The following SLC39A10 variants were observed in gnomAD, a reference collection of about 807,000 sequenced individuals.
SLC39A10 encodes the protein zinc transporter ZIP10.
SLC39A10 carries 13 observed loss-of-function variants against 65.1 expected under a neutral mutation model. That is an observed-to-expected ratio of 0.20 (90% CI 0.13 to 0.32). The LOEUF (loss-of-function observed/expected upper bound fraction) is 0.32. Among genes scored for constraint, SLC39A10 ranks in the 10% least tolerant of loss-of-function variants. The probability of loss-of-function intolerance (pLI) is 1.00; values close to 1 mark genes in which losing one functional copy is unlikely to be tolerated. For synonymous variants in SLC39A10, 321 were observed against 342.2 expected (o/e 0.94, Z 0.68); for missense variants, 831 against 1,018.4 (o/e 0.82, Z 2.50).
chr2:195,642,127 T>C (rs576737489), intron 2 of SLC39A10, among the ~76,000 whole-genome samples: 209 of 152,202 alleles, frequency 1.4e-3, no homozygotes, highest in African/African-American at 4.5e-3. Flanking sequence ...GGTCTATGCA[T>C]GGGAGGACCT....
chr2:195,700,198 G>A (rs960894594), intron 3 of SLC39A10, among the ~76,000 whole-genome samples: 4 of 152,098 alleles, frequency 2.6e-5, no homozygotes, highest in Non-Finnish European at 5.9e-5. Flanking sequence ...TGATTGGAGA[G>A]TTTAATCCAT....
At position 195,737,637 on chromosome 2, in the gene SLC39A10, A is replaced by AT. The variant is rs1487317014; in HGVS notation, c.*2600dup. The AT allele has an allele frequency of 6.3e-5, 15 of 237,866 alleles. No homozygotes were observed. The highest frequency in any genetic ancestry group is 1.1e-4 in the Non-Finnish European group (13 of 121,814). 14.7% of individuals were successfully genotyped at this position (237,866 alleles called of 1,614,324 possible). On this transcript the variant is annotated 3_prime_UTR_variant, in exon 10 of 10. Transcript: ENST00000359634. ...TTTTCATTGTCAACAGTGGTGTGTC[A>AT]TTTTATGTATGTTCCTAATGCTTAT...
intron 2 of SLC39A10, among the ~76,000 whole-genome samples, chr2:195,650,387 C>A (rs1023605668): frequency 6.6e-6 from 1 of 151,930 alleles, no homozygotes; most frequent in African/African-American, 2.4e-5. Flanking sequence ...CTGGCTCTGG[C>A]TCTGAGTTTT....
chr2:195,636,264 A>G (rs1688694880), intron 2 of SLC39A10, among the ~76,000 whole-genome samples: 1 of 152,238 alleles, frequency 6.6e-6, no homozygotes, highest in African/African-American at 2.4e-5. Flanking sequence ...CTATTAGGCC[A>G]GGCTTCTTGA....
At position 195,705,392 on chromosome 2, in the gene SLC39A10, G is replaced by T. The variant is rs916316188; in HGVS notation, c.1217-1224G>T. On this transcript the variant is annotated intron_variant, in intron 3 of 9. Coordinates refer to ENST00000359634, the MANE Select transcript of SLC39A10 (RefSeq NM_020342.3). Reference sequence around the variant, plus strand: ...GATAGATTATCTATTGTTTTAATTCGGTGAGATAATTGAGCTAATGAGTAT... The same window carrying T: ...GATAGATTATCTATTGTTTTAATTCTGTGAGATAATTGAGCTAATGAGTAT... Among the ~76,000 whole-genome samples, 5 of 152,216 alleles carry T rather than the reference G, an allele frequency of 3.3e-5. No individual in the cohort carries two copies. The East Asian group carries it at 7.7e-4, about 24-fold the overall frequency.
intron 2 of SLC39A10, among the ~76,000 whole-genome samples, chr2:195,626,477 C>G (rs969599566): frequency 1.3e-5 from 2 of 152,056 alleles, no homozygotes; most frequent in Non-Finnish European, 2.9e-5. Flanking sequence ...CTTGATGGCT[C>G]TGTTCCTGAA....
chr2:195,719,255 T>A (rs957879514), intron 8 of SLC39A10, among the ~76,000 whole-genome samples: 10 of 152,170 alleles, frequency 6.6e-5, no homozygotes, highest in Non-Finnish European at 2.9e-5. Flanking sequence ...TTCGCTTTCC[T>A]GATACAACCC....
chr2:195,722,235 G>A (rs144734037), intron 8 of SLC39A10, among the ~76,000 whole-genome samples: 1 of 152,306 alleles, frequency 6.6e-6, no homozygotes. Flanking sequence ...ACTGAATTTT[G>A]CTAGAGGGAA....
In SLC39A10 at chr2:195,728,437, A is replaced by G. The variant is rs978184151; in HGVS notation, c.2337+88A>G. 1 of 1,244,626 alleles carries G rather than the reference A, an allele frequency of 8.0e-7. No homozygotes were observed. Among genetic ancestry groups the G allele is most frequent in the Non-Finnish European group, 1.1e-6 (1 of 889,648 alleles). 77.1% of individuals were successfully genotyped at this position (1,244,626 alleles called of 1,614,324 possible). A position where few individuals can be genotyped will look rare whatever the true frequency, so the allele number is the denominator to read the frequency against. On this transcript the variant is annotated intron_variant, in intron 9 of 9. Coordinates refer to ENST00000359634, the MANE Select transcript of SLC39A10 (RefSeq NM_020342.3). The surrounding 1 kb of genome is among the most constrained non-coding windows in gnomAD (Gnocchi z 4.4). ...GTTTGAAGCCAAACTATTTTTGAAA[A>G]TATAACTCATTTTAAAGACATAATA...
At chr2:195,636,189 A>G (rs1416844228) in intron 2 of SLC39A10, among the ~76,000 whole-genome samples, 1 of 152,210 alleles carries the variant, frequency 6.6e-6, no homozygotes, top group Non-Finnish European at 1.5e-5. Flanking sequence ...TTTGTATGAG[A>G]CTCAATATAC....
chr2:195,654,759 A>AC (rs1330526314), upstream of SLC39A10, among the ~76,000 whole-genome samples: 2 of 152,176 alleles, frequency 1.3e-5, no homozygotes, highest in Non-Finnish European at 2.9e-5. Flanking sequence ...TATATATAAA[A>AC]CTGGTAAAGA....
chr2:195,734,633 T>A lies in SLC39A10; in HGVS notation c.2338-250T>A, dbSNP rs1224444443. ...GTAACTGTTTGAAAAATGACTAATG[T>A]GCATATTTTAAGTGTTTGTTGTGGG... is the stretch of plus-strand genomic sequence containing the variant. On this transcript the variant is annotated intron_variant, in intron 9 of 9. Transcript: ENST00000359634. Among the ~76,000 whole-genome samples, 4 of 152,152 alleles carry A rather than the reference T, an allele frequency of 2.6e-5. No homozygotes were observed. The East Asian group carries it at 7.7e-4, about 29-fold the overall frequency.
At chr2:195,641,893 T>C (rs1435332005) in intron 2 of SLC39A10, among the ~76,000 whole-genome samples, 1 of 152,136 alleles carries the variant, frequency 6.6e-6, no homozygotes, top group African/African-American at 2.4e-5. Context: ...GTTTTCACCA[T>C]GTTGACCAGC....
intron 6 of SLC39A10, among the ~76,000 whole-genome samples, chr2:195,716,062 C>T (rs746053743): frequency 1.9e-4 from 29 of 152,142 alleles, no homozygotes; most frequent in Non-Finnish European, 3.7e-4. Flanking sequence ...TGAAATAATG[C>T]CTGTACATTT....
intron 1 of SLC39A10, among the ~76,000 whole-genome samples, chr2:195,659,774 T>A (rs1574232335): frequency 6.6e-6 from 1 of 152,280 alleles, no homozygotes. Context: ...CTGAAGATGA[T>A]AGTGAGTTGA....
intron 8 of SLC39A10, among the ~76,000 whole-genome samples, chr2:195,722,570 A>G (rs1181867650): frequency 6.6e-6 from 1 of 152,200 alleles, no homozygotes; most frequent in Non-Finnish European, 1.5e-5. Flanking sequence ...TCGGAGAGGA[A>G]CAGGATGTGG....
intron 3 of SLC39A10, among the ~76,000 whole-genome samples, chr2:195,695,285 G>A (rs1232544867): frequency 6.6e-6 from 1 of 152,182 alleles, no homozygotes; most frequent in African/African-American, 2.4e-5. Flanking sequence ...TGGCCGCTGT[G>A]GGGGATGGGG....
intron 1 of SLC39A10, among the ~76,000 whole-genome samples, chr2:195,679,182 T>C (rs1690210618): frequency 6.6e-6 from 1 of 152,222 alleles, no homozygotes; most frequent in African/African-American, 2.4e-5. Flanking sequence ...CTGGACACTT[T>C]ATCATTTTAG....
chr2:195,653,924 C>T (rs903301374), upstream of SLC39A10, among the ~76,000 whole-genome samples: 2 of 152,046 alleles, frequency 1.3e-5, no homozygotes, highest in African/African-American at 2.4e-5. Context: ...TAGAATTAGT[C>T]GTGTTCTTTT....
Sources: allele counts gnomAD v4.1 joint callset (sites outside exome capture counted in the v4.1 genomes callset), GRCh38; gene constraint gnomAD v4.1.1; non-coding constraint Gnocchi (gnomAD v3.1); transcripts MANE v1.5; gene names NCBI Gene and HGNC (gene_info 2026-07-23, HGNC 2026-07-21).